Variants in PAIP1 observed in about 807,000 individuals in gnomAD.
PAIP1 encodes polyadenylate-binding protein-interacting protein 1.
Under a neutral mutation model 61.3 loss-of-function variants are expected in PAIP1, and 16 were observed. The ratio of observed to expected loss-of-function variants is 0.26; its 90% CI spans 0.18 to 0.40. The LOEUF is 0.40. PAIP1 is among the 10% of genes least tolerant of loss of function. The probability of loss-of-function intolerance (pLI) is 1.00; values close to 1 mark genes in which losing one functional copy is unlikely to be tolerated. For synonymous variants in PAIP1, 187 were observed against 226.2 expected (o/e 0.83, Z 1.56); for missense variants, 416 against 600.9 (o/e 0.69, Z 3.22).
intron 9 of PAIP1, among the ~76,000 whole-genome samples, chr5:43,532,631 T>A (rs1172704123): frequency 6.6e-6 from 1 of 152,168 alleles, no homozygotes; most frequent in Non-Finnish European, 1.5e-5. Flanking sequence ...TTTGTTCACA[T>A]TAAAACTCAA....
rs1747479861 is a variant in PAIP1, at chr5:43,543,079, C to T, written c.659G>A (p.Arg220His). Residue 220 changes from arginine (R) to histidine (H), a missense_variant, in exon 4 of 11, where the codon CGC becomes CAC. Physicochemically the swap from Arg to His is conservative, Grantham distance 29 (BLOSUM62 0). This residue lies in a region of PAIP1 where 180 missense variants were observed against 211.2 expected (regional missense o/e 0.85). Transcript: ENST00000306846. The part of the protein sequence containing the change: ...SIPNFSYMGA[R>H]LCNYLSHHLT... ...ATGATGGGACAGGTAATTACACAGG[C>T]GAGCTCCCATATAAGAGAAATTTGG... 3.7e-6 allele frequency: 6 copies of T among 1,609,958 alleles called. No homozygotes were observed. The highest frequency in any genetic ancestry group is 1.1e-5 in the South Asian group (1 of 90,936).
intron 1 of PAIP1, 28 bp downstream of exon 1, chr5:43,556,554 G>A (rs1011251126): frequency 2.4e-6 from 3 of 1,246,002 alleles, no homozygotes; most frequent in Non-Finnish European, 2.0e-6. Flanking sequence ...CGCCAAGGAG[G>A]ACTGGGGCCC....
intron 9 of PAIP1, among the ~76,000 whole-genome samples, chr5:43,533,316 C>A (rs1293602016): frequency 1.3e-5 from 2 of 152,176 alleles, no homozygotes; most frequent in African/African-American, 2.4e-5. Flanking sequence ...AACTGTCACA[C>A]ACCAAGTATG....
chr5:43,537,972 T>A (rs1327761727), intron 5 of PAIP1, among the ~76,000 whole-genome samples: 1 of 124,162 alleles, frequency 8.1e-6, no homozygotes, highest in African/African-American at 3.2e-5. Context: ...CCAGCCTGGG[T>A]GACAGAGCGA....
chr5:43,529,266 A>T (rs1468897422), intron 10 of PAIP1, among the ~76,000 whole-genome samples: 1 of 152,210 alleles, frequency 6.6e-6, no homozygotes, highest in East Asian at 1.9e-4. Context: ...ATTTTAAAAA[A>T]ATAATTATGC....
At chr5:43,557,207 C>T, upstream of PAIP1, 1 of 182,280 alleles carries the variant, frequency 5.5e-6, no homozygotes, top group Middle Eastern at 2.1e-3. Context: ...TGGCCGGCCG[C>T]CGGGCCCAGC....
At chr5:43,554,230 C>T (rs1747977234) in intron 2 of PAIP1, among the ~76,000 whole-genome samples, 1 of 152,134 alleles carries the variant, frequency 6.6e-6, no homozygotes, top group Non-Finnish European at 1.5e-5. Context: ...CCCCTGTATC[C>T]CTCCATCATA....
rs1472373693 is a variant in PAIP1, at chr5:43,527,125, G to A, written c.*251C>T. ...TCAACATTTCATTTATTTCAAAATC[G>A]ATTTTATTGCAGCCAAAACAGTAGA... On this transcript the variant is annotated 3_prime_UTR_variant, in exon 11 of 11. Coordinates refer to ENST00000306846, the MANE Select transcript of PAIP1 (RefSeq NM_006451.5). The A allele has an allele frequency of 4.0e-6, 1 of 246,982 alleles. No homozygotes were observed. The highest frequency in any genetic ancestry group is 7.7e-6 in the Non-Finnish European group (1 of 130,502). The allele number at this position is 246,982 out of a possible 1,614,324, so 15.3% of individuals were successfully genotyped here. A position where few individuals can be genotyped will look rare whatever the true frequency, so the allele number is the denominator to read the frequency against.
chr5:43,526,713 G>C lies in PAIP1; in HGVS notation c.*663C>G, dbSNP rs545338882. 5 of 147,482 alleles carry C rather than the reference G, an allele frequency of 3.4e-5. No homozygotes were observed. In the South Asian group the frequency reaches 1.1e-3, roughly 32 times the overall value. 9.1% of individuals were successfully genotyped at this position (147,482 alleles called of 1,614,324 possible). On this transcript the variant is annotated 3_prime_UTR_variant, in exon 11 of 11. Coordinates refer to ENST00000306846, the MANE Select transcript of PAIP1 (RefSeq NM_006451.5). ...GCCTTTAAGGTAATGAAGTTAGTCA[G>C]TTGAAAAAATAAAAATAAAAAAGAA... is the stretch of plus-strand genomic sequence containing the variant.
At chr5:43,542,904 C>T in intron 4 of PAIP1, 100 bp downstream of exon 4, 1 of 641,566 alleles carries the variant, frequency 1.6e-6, no homozygotes, top group Non-Finnish European at 2.8e-6. Flanking sequence ...ATAGGCTGCC[C>T]TATTCTTTCC....
intron 9 of PAIP1, 56 bp from the exon 10 acceptor site, chr5:43,529,935 C>T: frequency 1.2e-6 from 1 of 805,788 alleles, no homozygotes; most frequent in Middle Eastern, 2.2e-4. Flanking sequence ...CATGAAATGA[C>T]CAATCACCCC....
At chr5:43,542,454 C>T (rs1747452513) in intron 4 of PAIP1, among the ~76,000 whole-genome samples, 1 of 149,096 alleles carries the variant, frequency 6.7e-6, no homozygotes, top group Non-Finnish European at 1.5e-5. Flanking sequence ...ATCACTTGAA[C>T]CTGTGGGAGG....
chr5:43,552,842 C>T (rs1275635835), intron 2 of PAIP1, among the ~76,000 whole-genome samples: 1 of 152,064 alleles, frequency 6.6e-6, no homozygotes, highest in Non-Finnish European at 1.5e-5. Context: ...ATAGATCCTA[C>T]AGTGCTCAAA....
chr5:43,542,396 G>A (rs905212240), intron 4 of PAIP1, among the ~76,000 whole-genome samples: 1 of 151,724 alleles, frequency 6.6e-6, no homozygotes, highest in Admixed American at 6.6e-5. Flanking sequence ...GCCGGGCATG[G>A]TGGCGGGTGC....
intron 3 of PAIP1, among the ~76,000 whole-genome samples, 194 bp from the exon 4 acceptor site, chr5:43,543,310 CA>C (rs11427976): frequency 0.015 from 1,458 of 96,016 alleles, 14 homozygotes; most frequent in African/African-American, 0.065. Context: ...ACAATAAGTA[CA>C]AAAAAAAAAA....
chr5:43,553,754 T>C (rs1747956303), intron 2 of PAIP1, among the ~76,000 whole-genome samples: 1 of 152,140 alleles, frequency 6.6e-6, no homozygotes, highest in South Asian at 2.1e-4. Flanking sequence ...TGAATGCCTG[T>C]AGAATTCAGG....
At position 43,544,109 on chromosome 5, in the gene PAIP1, C is replaced by T. The variant is rs575057521; in HGVS notation, c.622-993G>A. Among the ~76,000 whole-genome samples, 20 of 137,440 alleles carry T rather than the reference C, an allele frequency of 1.5e-4. No individual in the cohort carries two copies. In the South Asian group the frequency reaches 5.0e-3, roughly 34 times the overall value. 90.2% of individuals were successfully genotyped at this position (137,440 alleles called of 152,430 possible). A position where few individuals can be genotyped will look rare whatever the true frequency, so the allele number is the denominator to read the frequency against. ...AGTGAGCTGTGGTCACGCCACTGCA[C>T]TCTAGTCTGGGTGACAAAACAAAGC... On this transcript the variant is annotated intron_variant, in intron 3 of 10. Coordinates refer to ENST00000306846, the MANE Select transcript of PAIP1 (RefSeq NM_006451.5).
At position 43,526,660 on chromosome 5, in the gene PAIP1, C is replaced by A; in HGVS notation, c.*716G>T. On this transcript the variant is annotated 3_prime_UTR_variant, in exon 11 of 11. Coordinates refer to ENST00000306846, the MANE Select transcript of PAIP1 (RefSeq NM_006451.5). ...TGCTACAAAATAAAAGTGAGAAAGC[C>A]ATATAAATAAAGCAGAATAATGTTC... is the stretch of plus-strand genomic sequence containing the variant. The A allele has an allele frequency of 7.5e-6, 1 of 134,122 alleles. No individual in the cohort carries two copies. Among genetic ancestry groups the A allele is most frequent in the South Asian group, 2.5e-4 (1 of 4,024 alleles). The allele number at this position is 134,122 out of a possible 1,614,324, so 8.3% of individuals were successfully genotyped here. A position where few individuals can be genotyped will look rare whatever the true frequency, so the allele number is the denominator to read the frequency against.
At chr5:43,544,488 AAC>A (rs1747551491) in intron 3 of PAIP1, among the ~76,000 whole-genome samples, 1 of 152,170 alleles carries the variant, frequency 6.6e-6, no homozygotes. Flanking sequence ...CTTGTCATTC[AAC>A]AGTTTCCTAC....
Sources: gnomAD v4.1 joint callset for allele counts (sites outside exome capture counted in the v4.1 genomes callset) on GRCh38, gnomAD v4.1.1 for gene constraint, gnomAD v4.1.1 regional missense constraint, MANE v1.5 for transcripts, NCBI Gene and HGNC (gene_info 2026-07-23, HGNC 2026-07-21) for gene names.